Variants in PCDHA4 observed in about 807,000 individuals in gnomAD.
PCDHA4 encodes protocadherin alpha 4.
Under a neutral mutation model 61.4 loss-of-function variants are expected in PCDHA4, and 49 were observed. The observed-to-expected ratio is 0.80, with a 90% CI of 0.63 to 1.01. The LOEUF is 1.01. Ranked by LOEUF, PCDHA4 falls within the 50% of genes least tolerant of loss-of-function variation. The pLI, the probability that PCDHA4 is intolerant of heterozygous loss-of-function variation, is 0.00. For synonymous variants in PCDHA4, 590 were observed against 550.3 expected, an observed-to-expected ratio of 1.07 and a Z score of -1.01; for missense variants, 1,254 against 1,235.8, an observed-to-expected ratio of 1.01 and a Z score of -0.22.
chr5:140,848,600 C>T lies in PCDHA4; in HGVS notation c.2385+39028C>T, dbSNP rs2150414065. On this transcript the variant is annotated intron_variant, in intron 1 of 3. Coordinates refer to ENST00000530339, the MANE Select transcript of PCDHA4 (RefSeq NM_018907.4). ...GGAGCGGCCAGCTCCACTACTCCGT[C>T]CCGGAGGAAGCCGAACACGGCACCT... 7 of 1,593,634 alleles carry T rather than the reference C, an allele frequency of 4.4e-6. No homozygotes were observed. The African/African-American group carries it at 8.1e-5, about 18-fold the overall frequency.
rs2150350980 is a variant in PCDHA4 at position 140,843,047 on chromosome 5, G to A, written c.2385+33475G>A. On this transcript the variant is annotated intron_variant, in intron 1 of 3. Coordinates refer to ENST00000530339, the MANE Select transcript of PCDHA4 (RefSeq NM_018907.4). ...GCCTCGGGTGGGTGGCACTGGTGGC[G>A]CAGCGAGCAAGCTGGTGCCGCGGTC... 9.4e-6 allele frequency: 15 copies of A among 1,595,052 alleles called. 2 individuals carry two copies. The highest frequency in any genetic ancestry group is 1.2e-5 in the Non-Finnish European group (14 of 1,165,268).
At chr5:140,840,775 T>C (rs1318625823) in intron 1 of PCDHA4, among the ~76,000 whole-genome samples, 1 of 152,052 alleles carries the variant, frequency 6.6e-6, no homozygotes, top group Non-Finnish European at 1.5e-5. Flanking sequence ...GTAGAAAAGT[T>C]AGAATTATAT....
chr5:140,875,698 G>C (rs2055722414), intron 1 of PCDHA4: 1 of 1,614,084 alleles, frequency 6.2e-7, no homozygotes, highest in African/African-American at 1.3e-5. Context: ...GGACCTTCTG[G>C]AGGTAAATCT....
At chr5:140,821,044 G>A (rs2150108572) in intron 1 of PCDHA4, among the ~76,000 whole-genome samples, 54 of 151,848 alleles carry the variant, frequency 3.6e-4, no homozygotes, top group Non-Finnish European at 6.5e-4. Flanking sequence ...AAGAAACTCA[G>A]GTAAGAATGC....
chr5:140,905,399 A>AT (rs1414882789), intron 1 of PCDHA4, among the ~76,000 whole-genome samples: 8 of 152,142 alleles, frequency 5.3e-5, no homozygotes, highest in African/African-American at 1.9e-4. Context: ...CTGTGTGCCT[A>AT]TTTTTATACC....
At chr5:140,910,854 T>G (rs2075197535) in intron 1 of PCDHA4, among the ~76,000 whole-genome samples, 1 of 152,212 alleles carries the variant, frequency 6.6e-6, no homozygotes, top group East Asian at 1.9e-4. Flanking sequence ...GGATCTATGT[T>G]CCATCCACCA....
At chr5:140,994,717 A>G (rs1350882833) in intron 3 of PCDHA4, among the ~76,000 whole-genome samples, 4 of 152,164 alleles carry the variant, frequency 2.6e-5, no homozygotes, top group African/African-American at 9.6e-5. Context: ...AAAAAAATTT[A>G]AAATACTGGG....
rs2091506714 is a variant in PCDHA4, at chr5:140,937,376, G to C, written c.2386-41573G>C. Reference sequence around the variant, plus strand: ...TATTATTTTATCTTAATGTTTATGTGTGTGTATGTGTATATAGGGGTATTG... The same window carrying C: ...TATTATTTTATCTTAATGTTTATGTCTGTGTATGTGTATATAGGGGTATTG... On this transcript the variant is annotated intron_variant, in intron 1 of 3. Coordinates refer to ENST00000530339, the MANE Select transcript of PCDHA4 (RefSeq NM_018907.4). Among the ~76,000 whole-genome samples, 4 of 152,084 alleles carry C rather than the reference G, an allele frequency of 2.6e-5. No homozygotes were observed. In the South Asian group the frequency reaches 8.3e-4, roughly 32 times the overall value.
chr5:140,966,603 G>T, intron 1 of PCDHA4: 1 of 656,454 alleles, frequency 1.5e-6, no homozygotes, highest in East Asian at 3.4e-5. Context: ...AGGAGCCCTT[G>T]GGAGGGCCTA....
At chr5:140,897,872 A>G (rs1327007992) in intron 1 of PCDHA4, among the ~76,000 whole-genome samples, 1 of 152,068 alleles carries the variant, frequency 6.6e-6, no homozygotes, top group Non-Finnish European at 1.5e-5. Context: ...CTTTTTAATG[A>G]TTGCCATTCT....
At chr5:140,814,785 GTTGTTATACAA>G (rs1765589219) in intron 1 of PCDHA4, 1 of 152,126 alleles carries the variant, frequency 6.6e-6, no homozygotes, top group Non-Finnish European at 1.5e-5. Context: ...TGGTTGAAAC[GTTGTTATACAA>G]CACTTGACTT....
chr5:140,899,056 G>C (rs1370417194), intron 1 of PCDHA4, among the ~76,000 whole-genome samples: 14 of 152,060 alleles, frequency 9.2e-5, no homozygotes, highest in Non-Finnish European at 2.9e-5. Flanking sequence ...CTGAGACTTT[G>C]CTGAAGTTGC....
At chr5:140,883,756 G>A (rs1404911116) in intron 1 of PCDHA4, 7 of 1,612,950 alleles carry the variant, frequency 4.3e-6, no homozygotes, top group Non-Finnish European at 5.1e-6. Flanking sequence ...CGCTGGTGGA[G>A]CGGCGGGTGG....
chr5:140,813,639 C>G (rs1765348977), intron 1 of PCDHA4: 1 of 152,192 alleles, frequency 6.6e-6, no homozygotes, highest in African/African-American at 2.4e-5. Context: ...CAGGACATTA[C>G]TGTGCACTAA....
chr5:140,869,371 A>G (rs559164668), intron 1 of PCDHA4: 1 of 1,614,110 alleles, frequency 6.2e-7, no homozygotes, highest in East Asian at 2.2e-5. Flanking sequence ...GAATTCTCGG[A>G]TCGACCGCGA....
At chr5:140,883,973 G>C (rs782157297) in intron 1 of PCDHA4, 1 of 1,612,840 alleles carries the variant, frequency 6.2e-7, no homozygotes, top group Non-Finnish European at 8.5e-7. Flanking sequence ...GCTGACGCCC[G>C]GGGCTGGCAG....
chr5:140,906,459 A>G (rs1217443805), intron 1 of PCDHA4, among the ~76,000 whole-genome samples: 1 of 152,236 alleles, frequency 6.6e-6, no homozygotes. Context: ...AAATGAAGAT[A>G]TTTTCTTAGT....
chr5:140,836,240 C>T, intron 1 of PCDHA4: 4 of 1,613,780 alleles, frequency 2.5e-6, no homozygotes, highest in Non-Finnish European at 3.4e-6. Context: ...CCGGTGCGAG[C>T]ATCCCGTTCC....
At chr5:140,852,781 G>A (rs1213399832) in intron 1 of PCDHA4, 1 of 979,508 alleles carries the variant, frequency 1.0e-6, no homozygotes, top group African/African-American at 1.8e-5. Flanking sequence ...GATGTGAATA[G>A]AGGGATGCTA....
Sources: allele counts gnomAD v4.1 joint callset (sites outside exome capture counted in the v4.1 genomes callset), GRCh38; gene constraint gnomAD v4.1.1; transcripts MANE v1.5; gene names NCBI Gene and HGNC (gene_info 2026-07-23, HGNC 2026-07-21).